Variants in ANK3 observed in about 807,000 individuals in gnomAD.
The protein encoded by ANK3 is ankyrin-3.
ANK3 carries 57 observed loss-of-function variants against 370.9 expected under a neutral mutation model. The ratio of observed to expected loss-of-function variants is 0.15; its 90% CI spans 0.12 to 0.19. ANK3 has a LOEUF of 0.19. ANK3 is among the 10% of genes least tolerant of loss of function. The pLI, the probability that ANK3 is intolerant of heterozygous loss-of-function variation, is 1.00. For missense variants in ANK3, 4,439 were observed against 5,302.1 expected (o/e 0.84, Z 5.06); for synonymous variants, 1,929 against 1,946.3 (o/e 0.99, Z 0.23).
At chr10:60,641,210 G>T (rs867225117) in intron 1 of ANK3, among the ~76,000 whole-genome samples, 10 of 147,042 alleles carry the variant, frequency 6.8e-5, no homozygotes, top group African/African-American at 2.5e-4. Flanking sequence ...ACTGCCCACG[G>T]TAATTTATAG....
chr10:60,524,221 G>T (rs141732761), intron 2 of ANK3, among the ~76,000 whole-genome samples: 1 of 152,118 alleles, frequency 6.6e-6, no homozygotes, highest in South Asian at 2.1e-4. Flanking sequence ...AGGTCTTGGG[G>T]ATTTTAACCA....
At chr10:60,343,794 A>G (rs533375300) in intron 1 of ANK3, among the ~76,000 whole-genome samples, 2 of 152,178 alleles carry the variant, frequency 1.3e-5, no homozygotes, top group Non-Finnish European at 2.9e-5. Flanking sequence ...TCCAGCATAC[A>G]TGACAGTCAC....
chr10:60,481,497 C>G (rs759522786), intron 2 of ANK3, among the ~76,000 whole-genome samples: 12 of 152,104 alleles, frequency 7.9e-5, no homozygotes, highest in Non-Finnish European at 1.3e-4. Flanking sequence ...GAGTTTTGCT[C>G]TGTTGCCCAA....
At chr10:60,351,924 T>C (rs1481089816) in intron 1 of ANK3, among the ~76,000 whole-genome samples, 2 of 151,160 alleles carry the variant, frequency 1.3e-5, no homozygotes, top group African/African-American at 4.9e-5. Context: ...GCATTTAGAA[T>C]GAAAAAAAAA....
At position 60,172,375 on chromosome 10, in the gene ANK3, C is replaced by T. The variant is rs150210075; in HGVS notation, c.2411G>A (p.Arg804Gln). 1.7e-5 allele frequency: 27 copies of T among 1,613,944 alleles called. No individual in the cohort carries two copies. Among genetic ancestry groups the T allele is most frequent in the South Asian group, 2.2e-5 (2 of 91,068 alleles). Residue 804 changes from arginine to glutamine, a missense_variant, in exon 21 of 44, where the codon CGG becomes CAG. Arg to Gln is a conservative substitution (Grantham distance 43, BLOSUM62 1). Around this residue, in one of 13 missense-constraint regions of ANK3, gnomAD observed 702 missense variants for 941.5 expected, o/e 0.75. Transcript: ENST00000280772. ...CACTACTGAGATGTAGCCGAGGCGC[C>T]GGGCAATGCCAAGGGCAGTATTCCC... ...VNGNTALGIA[R>Q]RLGYISVVDT...
In ANK3 at chr10:60,181,319, G is replaced by A. The variant is rs1293243787; in HGVS notation, c.2184+10C>T. 2.5e-6 allele frequency: 4 copies of A among 1,612,324 alleles called. No homozygotes were observed. The highest frequency in any genetic ancestry group is 1.3e-5 in the African/African-American group (1 of 74,862). ...CATTCTTTTCCGTGTGGCAAGGGAG[G>A]GCCGTATACCTTTGTCTGGGCGTCC... On this transcript the variant is annotated intron_variant, in intron 18 of 43. Transcript: ENST00000280772.
intron 11 of ANK3, among the ~76,000 whole-genome samples, chr10:60,204,022 T>G (rs1260542442): frequency 1.3e-5 from 2 of 152,156 alleles, no homozygotes; most frequent in African/African-American, 4.8e-5. Flanking sequence ...TAACCTGTTT[T>G]TTAAAAAAGG....
Position 60,134,272 on chromosome 10 carries a change from T to C in ANK3, c.2840A>G (p.Gln947Arg), listed in dbSNP as rs201011715. 6.2e-7 allele frequency: 1 copy of C among 1,612,468 alleles called. No homozygotes were observed. Among genetic ancestry groups the C allele is most frequent in the South Asian group, 1.1e-5 (1 of 90,810 alleles). The change falls in exon 25 of 44, where the codon CAG becomes CGG. Residue 947 changes from glutamine (Q) to arginine (R), a missense_variant and splice_region_variant. By Grantham distance (43) the Gln-to-Arg change is conservative. This residue lies in a region of ANK3 where 702 missense variants were observed against 941.5 expected (regional missense o/e 0.75). Transcript: ENST00000280772. ...GGCTATTTTGAAAAGAATGCATACC[T>C]GCTCTTTGGATGGCACAAGGAGTTC... ...IEELLVPSKE[Q>R]HLTFTREFDS... is the part of the protein sequence containing the mutation.
At chr10:60,234,839 G>C in intron 7 of ANK3, 53 bp from the exon 8 acceptor site, 2 of 1,223,884 alleles carry the variant, frequency 1.6e-6, no homozygotes, top group Admixed American at 1.8e-5. Flanking sequence ...TCAACAAAAC[G>C]TTCCTTTCTA....
chr10:60,220,293 C>T (rs1433543011), intron 8 of ANK3, among the ~76,000 whole-genome samples: 1 of 151,962 alleles, frequency 6.6e-6, no homozygotes, highest in Admixed American at 6.6e-5. Context: ...TGTTTGTAAA[C>T]CAAAAATAAA....
intron 38 of ANK3, among the ~76,000 whole-genome samples, chr10:60,065,621 T>C (rs1045826634): frequency 2.0e-5 from 3 of 152,174 alleles, no homozygotes; most frequent in African/African-American, 7.2e-5. Context: ...AACAAAAGGA[T>C]AAGAGTTAAT....
chr10:60,410,498 C>A (rs7099869), intron 2 of ANK3, among the ~76,000 whole-genome samples: 17,429 of 152,008 alleles, frequency 0.11, 1,058 homozygotes, highest in South Asian at 0.13. Context: ...AAGACGTAAC[C>A]AAAAGAACAT....
At chr10:60,627,431 AG>A (rs1215353854) in intron 1 of ANK3, among the ~76,000 whole-genome samples, 2 of 149,714 alleles carry the variant, frequency 1.3e-5, no homozygotes, top group Non-Finnish European at 3.0e-5. Flanking sequence ...AATAAAAAAA[AG>A]GCATCTGTAT....
intron 1 of ANK3, among the ~76,000 whole-genome samples, chr10:60,708,470 A>G (rs922740490): frequency 3.3e-5 from 5 of 152,176 alleles, no homozygotes; most frequent in Non-Finnish European, 7.3e-5. Flanking sequence ...AAAGGTAGAG[A>G]TTTTTACCTC....
chr10:60,645,048 T>G (rs1335209017), intron 1 of ANK3, among the ~76,000 whole-genome samples: 1 of 152,084 alleles, frequency 6.6e-6, no homozygotes, highest in Non-Finnish European at 1.5e-5. Context: ...TATACAAATA[T>G]CTTAATGCTT....
rs576847467 is a variant in ANK3, at chr10:60,583,019, CA to C, written c.96+32166del. On this transcript the variant is annotated intron_variant, in intron 2 of 43. Coordinates refer to the ANK3 transcript ENST00000373827. ...ACAATCCCACTACTAGGTATATATC[CA>C]AAGGTTATAAAATCAATATGTTGAA... Among the ~76,000 whole-genome samples the C allele has an allele frequency of 2.3e-3, 344 of 152,166 alleles. 10 individuals are homozygous for C. The highest frequency in any genetic ancestry group is 0.021 in the Admixed American group (317 of 15,296).
intron 12 of ANK3, among the ~76,000 whole-genome samples, chr10:60,202,527 T>C (rs2096699165): frequency 6.6e-6 from 1 of 152,270 alleles, no homozygotes. Flanking sequence ...AGACCGAGTG[T>C]ATCTTGCCTT....
intron 5 of ANK3, among the ~76,000 whole-genome samples, chr10:60,269,427 C>T (rs960745053): frequency 2.6e-5 from 4 of 152,154 alleles, no homozygotes; most frequent in South Asian, 2.1e-4. Flanking sequence ...GGGTGGATCA[C>T]GCGGTCAGGA....
Position 60,487,720 on chromosome 10 carries a change from A to ATTTT in ANK3, c.96+127462_96+127465dup, listed in dbSNP as rs10684114. 4.8e-5 allele frequency among the ~76,000 whole-genome samples: 7 copies of ATTTT among 144,928 alleles called. 2 individuals carry two copies. Among genetic ancestry groups the ATTTT allele is most frequent in the Non-Finnish European group, 9.1e-5 (6 of 66,136 alleles). ...CCCCAGATAATTCTGATGATGTTGC[A>ATTTT]TTTTTTTTTTTGAGACAGAGTCTCG... On this transcript the variant is annotated intron_variant, in intron 2 of 43. Coordinates refer to the ANK3 transcript ENST00000373827.
Sources: allele counts gnomAD v4.1 joint callset (sites outside exome capture counted in the v4.1 genomes callset), GRCh38; gene constraint gnomAD v4.1.1; regional missense constraint gnomAD v4.1.1; transcripts MANE v1.5; gene names NCBI Gene and HGNC (gene_info 2026-07-23, HGNC 2026-07-21).